Variants in GLRA2 observed in about 807,000 individuals in gnomAD.
GLRA2 encodes glycine receptor subunit alpha-2.
In GLRA2, 11 loss-of-function variants were observed where a neutral mutation model predicts 31.6. The observed-to-expected ratio is 0.35, with a 90% CI of 0.22 to 0.58. The LOEUF is 0.58. Ranked by LOEUF, GLRA2 falls within the 20% of genes least tolerant of loss-of-function variation. The pLI is 0.84. For missense variants in GLRA2, 212 were observed against 351.8 expected (o/e 0.60, Z 3.18); for synonymous variants, 132 against 134.0 (o/e 0.99, Z 0.10).
intron 8 of GLRA2, among the ~76,000 whole-genome samples, chrX:14,724,626 C>CAAAAAAAAAAAAAAAAAAAAAAAA (rs758722703): frequency 4.0e-5 from 2 of 49,617 alleles, no homozygotes; most frequent in African/African-American, 1.7e-4. Context: ...AACTCTGTCT[C>CAAAAAAAAAAAAAAAAAAAAAAAA]AAAAAAAAAA....
chrX:14,472,683 C>G, the GLRA2 span, among the ~76,000 whole-genome samples: 1 of 111,490 alleles, frequency 9.0e-6, no homozygotes, highest in African/African-American at 3.3e-5. Context: ...CTTCCAGCTC[C>G]TGTCGCATCT....
chrX:14,676,587 C>T (rs1210087423), intron 7 of GLRA2, among the ~76,000 whole-genome samples: 1 of 111,542 alleles, frequency 9.0e-6, no homozygotes, highest in Non-Finnish European at 1.9e-5. Context: ...AGTGCCTTGC[C>T]CATGAGGAAT....
chrX:14,639,965 T>A (rs963013489), intron 7 of GLRA2, among the ~76,000 whole-genome samples: 9 of 112,176 alleles, frequency 8.0e-5, no homozygotes, highest in Non-Finnish European at 1.7e-4. Flanking sequence ...ATTTCACATA[T>A]TTGGTGATCC....
chrX:14,500,104 C>G, the GLRA2 span, among the ~76,000 whole-genome samples: 3 of 111,951 alleles, frequency 2.7e-5, no homozygotes, highest in Non-Finnish European at 3.8e-5. Flanking sequence ...CTTTTGCAGT[C>G]TTACACAAAA....
intron 2 of GLRA2, among the ~76,000 whole-genome samples, chrX:14,540,778 C>G (rs978337826): frequency 4.5e-5 from 5 of 110,479 alleles, no homozygotes; most frequent in African/African-American, 1.3e-4. Flanking sequence ...TGTGATTGTT[C>G]TGTCTCCTAA....
At chrX:14,695,919 T>C (rs1272906549) in intron 8 of GLRA2, among the ~76,000 whole-genome samples, 2 of 110,971 alleles carry the variant, frequency 1.8e-5, no homozygotes, top group African/African-American at 3.3e-5. Flanking sequence ...GCAGAGGCAG[T>C]GGGAGTGCCC....
chrX:14,498,622 T>C, the GLRA2 span, among the ~76,000 whole-genome samples: 1 of 111,572 alleles, frequency 9.0e-6, no homozygotes, highest in African/African-American at 3.2e-5. Context: ...AAAAATTGAA[T>C]TATTCTCTTC....
In GLRA2 at chrX:14,730,338, A is replaced by G; in HGVS notation, c.1212A>G (p.Gly404=). ...CACTCCCACAACCGCCAAAAGATGG[A>G]GATGCTATCAAGAAGAAGTTTGTGG... The part of the protein sequence containing the change: ...ANPLPQPPKD[G]DAIKKKFVDR... Residue 404 remains glycine, a synonymous_variant, in exon 9 of 9, where the codon GGA becomes GGG. Transcript: ENST00000218075. 3.3e-6 allele frequency: 4 copies of G among 1,211,088 alleles called. No individual in the cohort carries two copies. In the Middle Eastern group the frequency reaches 6.9e-4, roughly 209 times the overall value.
At chrX:14,715,069 A>T (rs1221354852) in intron 8 of GLRA2, among the ~76,000 whole-genome samples, 3 of 112,629 alleles carry the variant, frequency 2.7e-5, no homozygotes, top group Non-Finnish European at 5.6e-5. Context: ...ACACATACAT[A>T]AATGAAAAAA....
rs377393934 is a variant in GLRA2 at position 14,530,215 on chromosome X, ATTATT to A, written c.68+94_68+98del. The A allele has an allele frequency of 1.3e-4, 73 of 548,652 alleles. 1 individual carries two copies. The Middle Eastern group carries it at 1.6e-3, about 12-fold the overall frequency. The allele number at this position is 548,652 out of a possible 1,213,427, so 45.2% of individuals were successfully genotyped here. ...TGTATTTATCTGTGCTCTGGACTAT[ATTATT>A]TTAATTTTATAGAGGAAAGTTAGAT... On this transcript the variant is annotated intron_variant, in intron 1 of 8. Transcript: ENST00000218075.
chrX:14,724,626 C>CAAAAAAAAAAAAAAAAAAAAAAAAAAAAA (rs758722703), intron 8 of GLRA2, among the ~76,000 whole-genome samples: 1 of 49,617 alleles, frequency 2.0e-5, no homozygotes, highest in African/African-American at 8.6e-5. Context: ...AACTCTGTCT[C>CAAAAAAAAAAAAAAAAAAAAAAAAAAAAA]AAAAAAAAAA....
intron 2 of GLRA2, among the ~76,000 whole-genome samples, chrX:14,539,399 A>G (rs908669263): frequency 9.0e-6 from 1 of 111,290 alleles, no homozygotes; most frequent in African/African-American, 3.3e-5. Flanking sequence ...TTCCTGAGAG[A>G]GCTACTCTGC....
intron 7 of GLRA2, among the ~76,000 whole-genome samples, chrX:14,623,880 G>C (rs6638165): frequency 2.7e-5 from 3 of 111,832 alleles, no homozygotes; most frequent in African/African-American, 9.8e-5. Flanking sequence ...AGTTAGAGAG[G>C]ATTCCCTCTT....
At chrX:14,563,448 C>T (rs1278669712) in intron 2 of GLRA2, among the ~76,000 whole-genome samples, 1 of 112,260 alleles carries the variant, frequency 8.9e-6, no homozygotes, top group Middle Eastern at 4.6e-3. Context: ...AAGCAAATGG[C>T]CTACTATACC....
intron 7 of GLRA2, among the ~76,000 whole-genome samples, chrX:14,638,528 T>G (rs1282716124): frequency 9.0e-6 from 1 of 111,154 alleles, no homozygotes; most frequent in Non-Finnish European, 1.9e-5. Context: ...AACCAATGAT[T>G]TCCATTACTT....
intron 2 of GLRA2, among the ~76,000 whole-genome samples, chrX:14,547,031 T>C (rs1389691258): frequency 9.0e-6 from 1 of 111,422 alleles, no homozygotes; most frequent in African/African-American, 3.3e-5. Context: ...ACAAAAAGTA[T>C]CCATCAGTGA....
intron 7 of GLRA2, among the ~76,000 whole-genome samples, chrX:14,665,005 G>A (rs748219084): frequency 9.0e-6 from 1 of 111,475 alleles, no homozygotes; most frequent in South Asian, 3.8e-4. Flanking sequence ...AATGGCAAAT[G>A]GGCCAGTGTT....
intron 2 of GLRA2, among the ~76,000 whole-genome samples, chrX:14,556,220 A>G (rs1188772507): frequency 8.9e-6 from 1 of 111,799 alleles, no homozygotes; most frequent in African/African-American, 3.2e-5. Context: ...TATTAATGCA[A>G]AAAATTCTAT....
At chrX:14,534,286 A>C (rs1318438866) in intron 2 of GLRA2, among the ~76,000 whole-genome samples, 1 of 109,780 alleles carries the variant, frequency 9.1e-6, no homozygotes, top group Non-Finnish European at 1.9e-5. Flanking sequence ...TATAAAAAAG[A>C]AATGGGGTGG....
Sources: allele counts gnomAD v4.1 joint callset (sites outside exome capture counted in the v4.1 genomes callset), GRCh38; gene constraint gnomAD v4.1.1; transcripts MANE v1.5; gene names NCBI Gene and HGNC (gene_info 2026-07-23, HGNC 2026-07-21).